JAZF1: variants seen among roughly 807,000 people sequenced by gnomAD.
JAZF1 encodes juxtaposed with another zinc finger protein 1.
A neutral mutation model predicts 26.4 loss-of-function variants in JAZF1; 8 were observed. That is an observed-to-expected ratio of 0.30 (90% CI 0.18 to 0.55). JAZF1 has a LOEUF of 0.55. Among genes scored for constraint, JAZF1 ranks in the 20% least tolerant of loss-of-function variants. The pLI, the probability that JAZF1 is intolerant of heterozygous loss-of-function variation, is 0.94. For synonymous variants in JAZF1, 126 were observed against 122.3 expected (o/e 1.03, Z -0.20); for missense variants, 199 against 322.0 (o/e 0.62, Z 2.92).
intron 3 of JAZF1, among the ~76,000 whole-genome samples, chr7:27,882,063 C>T (rs1351726445): frequency 6.6e-6 from 1 of 152,186 alleles, no homozygotes; most frequent in African/African-American, 2.4e-5. Context: ...ATGTCAGGGA[C>T]CGACTAATTC....
At chr7:28,049,072 C>CCT (rs1182638919) in intron 1 of JAZF1, among the ~76,000 whole-genome samples, 2,708 of 113,522 alleles carry the variant, frequency 0.024, 164 homozygotes, top group African/African-American at 0.095. Context: ...TCCCTCCCTT[C>CCT]CTCTCTCTCT....
chr7:28,138,147 C>T (rs1004868005), intron 1 of JAZF1, among the ~76,000 whole-genome samples: 10 of 152,152 alleles, frequency 6.6e-5, no homozygotes, highest in Non-Finnish European at 1.0e-4. Context: ...GGTATAAACT[C>T]TCTGCAGGGC....
At chr7:27,931,626 G>T (rs190614027) in intron 2 of JAZF1, among the ~76,000 whole-genome samples, 346 of 152,274 alleles carry the variant, frequency 2.3e-3, no homozygotes, top group African/African-American at 7.9e-3. Context: ...GACCAGCCTG[G>T]CCAATATGGT....
intron 2 of JAZF1, among the ~76,000 whole-genome samples, chr7:27,951,794 A>G (rs1785012354): frequency 2.0e-5 from 3 of 152,318 alleles, no homozygotes; most frequent in Non-Finnish European, 4.4e-5. Flanking sequence ...CAGAAAAGGT[A>G]TCTGGTGTAA....
chr7:28,168,306 C>T (rs538900307), intron 1 of JAZF1, among the ~76,000 whole-genome samples: 1 of 149,404 alleles, frequency 6.7e-6, no homozygotes, highest in South Asian at 2.1e-4. Context: ...GGTGTGAACC[C>T]AGGAGGTGGA....
chr7:28,117,166 C>G (rs1394593289), intron 1 of JAZF1, among the ~76,000 whole-genome samples: 2 of 152,114 alleles, frequency 1.3e-5, no homozygotes, highest in Non-Finnish European at 2.9e-5. Context: ...AGTTTCTTCT[C>G]TGATTGTCAT....
At position 28,177,764 on chromosome 7, in the gene JAZF1, C is replaced by T. The variant is rs139843422; in HGVS notation, c.115+2699G>A. 8.5e-5 allele frequency among the ~76,000 whole-genome samples: 13 copies of T among 152,232 alleles called. No homozygotes were observed. The South Asian group carries it at 1.4e-3, about 17-fold the overall frequency. ...AAATACTTATAGATTGAATCAAAAA[C>T]GATAAATACCACATAACAATACCTG... On this transcript the variant is annotated intron_variant, in intron 1 of 4. Coordinates refer to ENST00000283928, the MANE Select transcript of JAZF1 (RefSeq NM_175061.4).
At chr7:27,951,234 C>T (rs535703773) in intron 2 of JAZF1, among the ~76,000 whole-genome samples, 1 of 152,194 alleles carries the variant, frequency 6.6e-6, no homozygotes, top group South Asian at 2.1e-4. Context: ...GGTGTGCTAA[C>T]TTCCCTGTAG....
intron 1 of JAZF1, among the ~76,000 whole-genome samples, chr7:28,154,940 A>T (rs1783158243): frequency 6.6e-6 from 1 of 151,100 alleles, no homozygotes; most frequent in African/African-American, 2.4e-5. Flanking sequence ...GCAAAACATT[A>T]AAAAAAAAGA....
intron 2 of JAZF1, among the ~76,000 whole-genome samples, chr7:27,942,593 A>G (rs913540148): frequency 6.6e-6 from 1 of 152,236 alleles, no homozygotes; most frequent in East Asian, 1.9e-4. Flanking sequence ...AAGAAAGGTT[A>G]AACGACTTGT....
chr7:28,168,204 A>T (rs1374064906), intron 1 of JAZF1, among the ~76,000 whole-genome samples: 1 of 152,020 alleles, frequency 6.6e-6, no homozygotes, highest in African/African-American at 2.4e-5. Context: ...AACATGGTGA[A>T]ACTCCGTCTC....
chr7:28,109,968 A>C (rs1265803419), intron 1 of JAZF1, among the ~76,000 whole-genome samples: 1 of 152,242 alleles, frequency 6.6e-6, no homozygotes, highest in East Asian at 1.9e-4. Context: ...CTCAGAATGA[A>C]GCTGCAAAGG....
At chr7:27,888,836 TC>T (rs200629853) in intron 3 of JAZF1, among the ~76,000 whole-genome samples, 3 of 151,980 alleles carry the variant, frequency 2.0e-5, no homozygotes, top group East Asian at 1.9e-4. Flanking sequence ...ACTTGAATTT[TC>T]CCCCCCAGAG....
At chr7:28,152,033 T>G (rs992026890) in intron 1 of JAZF1, among the ~76,000 whole-genome samples, 1 of 152,164 alleles carries the variant, frequency 6.6e-6, no homozygotes, top group African/African-American at 2.4e-5. Context: ...ACCAGCAGCT[T>G]CATGTCTTTA....
chr7:28,022,743 C>CTTT (rs5883115), intron 1 of JAZF1, among the ~76,000 whole-genome samples: 2 of 151,992 alleles, frequency 1.3e-5, no homozygotes, highest in African/African-American at 4.8e-5. Context: ...TAATATTTCA[C>CTTT]TGTTGTTGTT....
At chr7:28,159,058 C>T (rs1708302) in intron 1 of JAZF1, among the ~76,000 whole-genome samples, 57,290 of 151,788 alleles carry the variant, frequency 0.38, 12,436 homozygotes, top group Non-Finnish European at 0.5. Flanking sequence ...GAGAGAGACG[C>T]TGAACAAACA....
intron 2 of JAZF1, among the ~76,000 whole-genome samples, chr7:27,941,560 A>C (rs140277694): frequency 7.1e-4 from 108 of 152,352 alleles, no homozygotes; most frequent in African/African-American, 2.6e-3. Context: ...CAATTATGGA[A>C]TCTCAGCATG....
At chr7:28,000,676 T>C (rs1786136814) in intron 1 of JAZF1, among the ~76,000 whole-genome samples, 1 of 147,008 alleles carries the variant, frequency 6.8e-6, no homozygotes, top group Non-Finnish European at 1.5e-5. Context: ...CAGGATGGAG[T>C]AGTGGGATCT....
chr7:28,021,609 GACAA>G (rs754977560), intron 1 of JAZF1, among the ~76,000 whole-genome samples: 19 of 152,306 alleles, frequency 1.2e-4, no homozygotes, highest in Non-Finnish European at 2.4e-4. Flanking sequence ...GTGGACGTAG[GACAA>G]ACAAAGACAT....
Sources: gnomAD v4.1 joint callset for allele counts (sites outside exome capture counted in the v4.1 genomes callset) on GRCh38, gnomAD v4.1.1 for gene constraint, MANE v1.5 for transcripts, NCBI Gene and HGNC (gene_info 2026-07-23, HGNC 2026-07-21) for gene names.